SGCZ: variants seen among roughly 807,000 people sequenced by gnomAD.
The protein encoded by SGCZ is sarcoglycan zeta.
In SGCZ, 40 loss-of-function variants were observed where a neutral mutation model predicts 41.3. The observed-to-expected ratio is 0.97, with a 90% confidence interval of 0.75 to 1.26. SGCZ has a LOEUF of 1.26. Among genes scored for constraint, SGCZ ranks in the 50% most tolerant of loss-of-function variants. The pLI is 0.00. For synonymous variants in SGCZ, 206 were observed against 137.5 expected, an observed-to-expected ratio of 1.50 and a Z score of -3.49; for missense variants, 552 against 369.8, an observed-to-expected ratio of 1.49 and a Z score of -4.04.
intron 2 of SGCZ, among the ~76,000 whole-genome samples, chr8:14,546,889 C>T (rs1382759325): frequency 6.6e-6 from 1 of 152,084 alleles, no homozygotes; most frequent in East Asian, 1.9e-4. Flanking sequence ...TCTTGTTCAT[C>T]AGTGTGACCT....
chr8:14,716,498 T>TAGA (rs1809695411), intron 1 of SGCZ, among the ~76,000 whole-genome samples: 1 of 152,126 alleles, frequency 6.6e-6, no homozygotes, highest in Non-Finnish European at 1.5e-5. Flanking sequence ...GAGTTTTGTT[T>TAGA]AGAAGACACT....
intron 1 of SGCZ, among the ~76,000 whole-genome samples, chr8:14,939,829 T>C (rs541732269): frequency 6.6e-6 from 1 of 152,200 alleles, no homozygotes; most frequent in East Asian, 1.9e-4. Context: ...TCCTCTCCTC[T>C]CCAGCCTTCA....
At chr8:15,082,341 T>C (rs908756452) in intron 1 of SGCZ, among the ~76,000 whole-genome samples, 1 of 152,154 alleles carries the variant, frequency 6.6e-6, no homozygotes, top group East Asian at 1.9e-4. Context: ...GCATGGTCTA[T>C]ATTAGGTACT....
At chr8:14,954,995 C>T (rs905872444) in intron 1 of SGCZ, among the ~76,000 whole-genome samples, 5 of 152,056 alleles carry the variant, frequency 3.3e-5, no homozygotes, top group African/African-American at 7.2e-5. Flanking sequence ...AGATATAGGA[C>T]ATTTTCCTTT....
chr8:14,627,155 C>A (rs1007735487), intron 1 of SGCZ, among the ~76,000 whole-genome samples: 30 of 152,098 alleles, frequency 2.0e-4, no homozygotes, highest in African/African-American at 7.2e-4. Context: ...AATATGTATT[C>A]TTTGAAAATT....
intron 1 of SGCZ, among the ~76,000 whole-genome samples, chr8:14,761,348 A>T (rs932979097): frequency 6.6e-6 from 1 of 151,922 alleles, no homozygotes; most frequent in African/African-American, 2.4e-5. Flanking sequence ...CTCGCTAAGG[A>T]TACTACAATA....
At position 14,654,738 on chromosome 8, in the gene SGCZ, ATTT is replaced by A. The variant is rs143183510; in HGVS notation, c.40-99815_40-99813del. On this transcript the variant is annotated intron_variant, in intron 1 of 7. Transcript: ENST00000382080. ...AGGCACGCACCGCCATGCCCAGCTAATTTTTTTTTTTTTTGTATTTTGAAATAA... is the reference window on the plus strand; with the variant it reads ...AGGCACGCACCGCCATGCCCAGCTAATTTTTTTTTTTGTATTTTGAAATAA... Among the ~76,000 whole-genome samples the A allele has an allele frequency of 5.6e-4, 82 of 146,346 alleles. 1 individual carries two copies. The highest frequency in any genetic ancestry group is 4.0e-3 in the Admixed American group (59 of 14,670).
chr8:15,158,159 T>G (rs1799392615), intron 1 of SGCZ, among the ~76,000 whole-genome samples: 2 of 140,278 alleles, frequency 1.4e-5, no homozygotes, highest in Admixed American at 7.5e-5. Flanking sequence ...ATTTTTCTAG[T>G]TTGCCACAAA....
chr8:14,697,348 A>T (rs1364942621), intron 1 of SGCZ, among the ~76,000 whole-genome samples: 1 of 151,974 alleles, frequency 6.6e-6, no homozygotes, highest in Non-Finnish European at 1.5e-5. Flanking sequence ...ATCTCATTAG[A>T]TTGTTGAGGG....
At chr8:14,901,373 A>G (rs1798962208) in intron 1 of SGCZ, among the ~76,000 whole-genome samples, 1 of 152,184 alleles carries the variant, frequency 6.6e-6, no homozygotes, top group South Asian at 2.1e-4. Context: ...CACCACACAC[A>G]AGGTCATTGG....
At chr8:14,229,638 C>A (rs1209282831) in intron 4 of SGCZ, among the ~76,000 whole-genome samples, 1 of 106,652 alleles carries the variant, frequency 9.4e-6, no homozygotes, top group African/African-American at 3.3e-5. Context: ...ACTATTACAA[C>A]ATTCTCTAAG....
At chr8:14,508,923 A>G (rs1802386739) in intron 2 of SGCZ, among the ~76,000 whole-genome samples, 2 of 152,172 alleles carry the variant, frequency 1.3e-5, no homozygotes, top group Admixed American at 6.5e-5. Context: ...TTTTAATTGC[A>G]TTACTATTTT....
chr8:15,058,439 C>T (rs992567651), intron 1 of SGCZ, among the ~76,000 whole-genome samples: 1 of 152,138 alleles, frequency 6.6e-6, no homozygotes, highest in African/African-American at 2.4e-5. Context: ...GAATATACTA[C>T]TCCTCCCTTC....
At chr8:14,101,517 G>A (rs544170318) in intron 7 of SGCZ, among the ~76,000 whole-genome samples, 4 of 152,298 alleles carry the variant, frequency 2.6e-5, no homozygotes, top group African/African-American at 9.6e-5. Context: ...CAATGACAAA[G>A]TATTATTTAA....
At chr8:15,194,338 C>T (rs569751922) in intron 1 of SGCZ, among the ~76,000 whole-genome samples, 10 of 152,070 alleles carry the variant, frequency 6.6e-5, no homozygotes, top group African/African-American at 2.4e-4. Context: ...GCACCAAAAC[C>T]CTATATTAAA....
At chr8:14,387,687 A>T (rs13278743) in intron 2 of SGCZ, among the ~76,000 whole-genome samples, 29,438 of 151,972 alleles carry the variant, frequency 0.19, 3,601 homozygotes, top group Non-Finnish European at 0.28. Context: ...AATATTTTAT[A>T]TGTTGAGGAG....
intron 3 of SGCZ, among the ~76,000 whole-genome samples, chr8:14,253,177 G>C (rs1220754497): frequency 1.3e-5 from 2 of 151,882 alleles, no homozygotes; most frequent in African/African-American, 2.4e-5. Context: ...GAACAAGATA[G>C]AACTTAGAAA....
At chr8:14,332,053 AT>A (rs1426349143) in intron 2 of SGCZ, among the ~76,000 whole-genome samples, 1 of 152,158 alleles carries the variant, frequency 6.6e-6, no homozygotes, top group African/African-American at 2.4e-5. Context: ...ACCCAAATAC[AT>A]ATTTTTATTT....
intron 1 of SGCZ, among the ~76,000 whole-genome samples, chr8:15,092,350 A>C (rs1370658811): frequency 2.0e-5 from 3 of 152,186 alleles, no homozygotes; most frequent in Non-Finnish European, 4.4e-5. Context: ...GGGATACAGA[A>C]AACTTTTATC....
Sources: allele counts gnomAD v4.1 joint callset (sites outside exome capture counted in the v4.1 genomes callset), GRCh38; gene constraint gnomAD v4.1.1; transcripts MANE v1.5; gene names NCBI Gene and HGNC (gene_info 2026-07-23, HGNC 2026-07-21).